The following PDXDC1 variants were observed in gnomAD, a reference collection of about 807,000 sequenced individuals.
PDXDC1 encodes pyridoxal dependent decarboxylase domain containing 1.
A neutral mutation model predicts 100.1 loss-of-function variants in PDXDC1; 42 were observed. The observed-to-expected ratio is 0.42, with a 90% CI of 0.33 to 0.54. PDXDC1 has a LOEUF of 0.54. Ranked by LOEUF, PDXDC1 falls within the 20% of genes least tolerant of loss-of-function variation. The pLI is 0.10. For synonymous variants in PDXDC1, 260 were observed against 371.7 expected (o/e 0.70, Z 3.46); for missense variants, 636 against 979.2 (o/e 0.65, Z 4.68).
At chr16:15,101,022 A>C (rs529541225) in intron 16 of PDXDC1, among the ~76,000 whole-genome samples, 1 of 152,282 alleles carries the variant, frequency 6.6e-6, no homozygotes, top group South Asian at 2.1e-4. Flanking sequence ...CTAGCTTTGT[A>C]ATTTACTCTA....
At chr16:15,117,411 A>G (rs1249753072) in intron 16 of PDXDC1, among the ~76,000 whole-genome samples, 6 of 147,540 alleles carry the variant, frequency 4.1e-5, no homozygotes, top group African/African-American at 1.5e-4. Flanking sequence ...CTGTAATCCC[A>G]GCACTGGGAG....
chr16:15,028,873 G>A lies in PDXDC1; in HGVS notation c.1205-5G>A, dbSNP rs1188250182. 2.5e-6 allele frequency: 4 copies of A among 1,612,972 alleles called. No homozygotes were observed. Among genetic ancestry groups the A allele is most frequent in the Non-Finnish European group, 3.4e-6 (4 of 1,179,440 alleles). Reference sequence around the variant, plus strand: ...AGTGACTCCCTTTCTGTGTTTTGGTGTCAGATCCGGTGTTTAAAGCCGTCC... The same window carrying A: ...AGTGACTCCCTTTCTGTGTTTTGGTATCAGATCCGGTGTTTAAAGCCGTCC... On this transcript the variant is annotated splice_region_variant and splice_polypyrimidine_tract_variant and intron_variant, in intron 14 of 22. Transcript: ENST00000396410.
At chr16:15,125,643 G>C in intron 16 of PDXDC1, 1 of 1,233,126 alleles carries the variant, frequency 8.1e-7, no homozygotes, top group East Asian at 2.3e-5. Context: ...GCTGCGCCAA[G>C]GCGGCAGGAC....
chr16:15,072,225 T>G (rs1422829910), intron 16 of PDXDC1, among the ~76,000 whole-genome samples: 1 of 138,852 alleles, frequency 7.2e-6, no homozygotes, highest in Non-Finnish European at 1.6e-5. Flanking sequence ...AGGAAAAGCC[T>G]TCTACATTCT....
intron 16 of PDXDC1, among the ~76,000 whole-genome samples, chr16:15,097,613 G>C (rs2151840885): frequency 6.7e-6 from 1 of 149,992 alleles, no homozygotes; most frequent in Non-Finnish European, 1.5e-5. Flanking sequence ...CTGCACCCCA[G>C]CCTGGGTGAC....
At chr16:15,003,949 AC>A (rs1319817728) in intron 4 of PDXDC1, among the ~76,000 whole-genome samples, 1 of 152,262 alleles carries the variant, frequency 6.6e-6, no homozygotes, top group Non-Finnish European at 1.5e-5. Context: ...GCACCACTGC[AC>A]CCCAGCTTGG....
At chr16:15,035,991 C>T (rs1376841190) in intron 22 of PDXDC1, 25 bp from the exon 23 acceptor site, 18 of 1,590,902 alleles carry the variant, frequency 1.1e-5, no homozygotes, top group Admixed American at 3.6e-5. Flanking sequence ...TGAGTTTCAG[C>T]GCAGTCTGTC....
At chr16:15,075,405 C>G (rs186141082) in intron 16 of PDXDC1, among the ~76,000 whole-genome samples, 1 of 151,896 alleles carries the variant, frequency 6.6e-6, no homozygotes, top group African/African-American at 2.4e-5. Context: ...AGACCTGTCT[C>G]TACAAAAATA....
At chr16:15,145,478 C>T in the PDXDC1 span, among the ~76,000 whole-genome samples, 1 of 152,278 alleles carries the variant, frequency 6.6e-6, no homozygotes, top group Admixed American at 6.5e-5. Context: ...CCGCCTCTGC[C>T]TGGGCACAAA....
intron 16 of PDXDC1, among the ~76,000 whole-genome samples, chr16:15,054,017 T>C (rs1234060101): frequency 6.6e-6 from 1 of 152,234 alleles, no homozygotes; most frequent in Non-Finnish European, 1.5e-5. Context: ...CATTTGGTCA[T>C]CTGGGTACAA....
In PDXDC1 at chr16:15,065,424, C is replaced by T. The variant is rs528285643; in HGVS notation, c.1399+35368C>T. The T allele has an allele frequency of 2.1e-4, 320 of 1,552,760 alleles. No homozygotes were observed. The African/African-American group carries it at 3.6e-3, about 18-fold the overall frequency. On this transcript the variant is annotated intron_variant, in intron 16 of 16. Transcript: ENST00000535621. ...GAGGCATTAACATGCTGGAGTGACTCGGTGCAGATGTGAGCTGCGTGTGAC... is the reference window on the plus strand; with the variant it reads ...GAGGCATTAACATGCTGGAGTGACTTGGTGCAGATGTGAGCTGCGTGTGAC...
At chr16:15,152,159 A>G in the PDXDC1 span, among the ~76,000 whole-genome samples, 1 of 134,080 alleles carries the variant, frequency 7.5e-6, no homozygotes, top group Admixed American at 7.7e-5. Context: ...GTGGCCTCAG[A>G]AGCCCCGGCT....
intron 16 of PDXDC1, chr16:15,127,595 T>C: frequency 7.4e-7 from 1 of 1,355,484 alleles, no homozygotes; most frequent in Non-Finnish European, 1.0e-6. Context: ...ACATGCCCCG[T>C]GCTGTGTGGA....
chr16:15,027,532 G>A (rs1392904661), intron 14 of PDXDC1, among the ~76,000 whole-genome samples: 2 of 152,298 alleles, frequency 1.3e-5, no homozygotes, highest in African/African-American at 2.4e-5. Context: ...GGGATCACAT[G>A]TGGGCTTGGA....
chr16:15,053,931 A>AAC (rs1567775257), intron 16 of PDXDC1, among the ~76,000 whole-genome samples: 1 of 149,782 alleles, frequency 6.7e-6, no homozygotes, highest in East Asian at 1.9e-4. Context: ...AACCAACCAA[A>AAC]CAAACAAACA....
chr16:14,980,860 A>G (rs1967808267), intron 1 of PDXDC1, among the ~76,000 whole-genome samples: 1 of 152,284 alleles, frequency 6.6e-6, no homozygotes, highest in Admixed American at 6.5e-5. Context: ...TTGGCCTCCC[A>G]AAGTGCTGGG....
intron 6 of PDXDC1, 137 bp downstream of exon 6, chr16:15,006,720 T>G: frequency 1.2e-6 from 1 of 861,720 alleles, no homozygotes; most frequent in East Asian, 3.0e-5. Context: ...TTGTCATATT[T>G]GTAAAAATTA....
At chr16:15,145,664 G>A in the PDXDC1 span, among the ~76,000 whole-genome samples, 2 of 152,380 alleles carry the variant, frequency 1.3e-5, no homozygotes, top group African/African-American at 2.4e-5. Flanking sequence ...TGGGCACCCC[G>A]GCCCCTAGGC....
intron 16 of PDXDC1, chr16:15,083,900 G>C (rs2045806495): frequency 3.5e-6 from 1 of 286,716 alleles, no homozygotes; most frequent in Non-Finnish European, 6.7e-6. Context: ...ATTTTTAGTA[G>C]AGACGGGGTT....
Sources: allele counts gnomAD v4.1 joint callset (sites outside exome capture counted in the v4.1 genomes callset), GRCh38; gene constraint gnomAD v4.1.1; transcripts MANE v1.5; gene names NCBI Gene and HGNC (gene_info 2026-07-23, HGNC 2026-07-21).